NRG3: variants seen among roughly 807,000 people sequenced by gnomAD.
NRG3 encodes pro-neuregulin-3, membrane-bound isoform.
In NRG3, 31 loss-of-function variants were observed where a neutral mutation model predicts 66.9. The observed-to-expected ratio is 0.46, with a 90% CI of 0.35 to 0.63. The LOEUF (loss-of-function observed/expected upper bound fraction) is 0.63. Among genes scored for constraint, NRG3 ranks in the 20% least tolerant of loss-of-function variants. The pLI is 0.00. For synonymous variants in NRG3, 393 were observed against 359.4 expected (o/e 1.09, Z -1.06); for missense variants, 910 against 878.9 (o/e 1.04, Z -0.45).
At chr10:82,756,111 A>G (rs1210494629) in intron 3 of NRG3, among the ~76,000 whole-genome samples, 2 of 151,952 alleles carry the variant, frequency 1.3e-5, no homozygotes, top group African/African-American at 4.8e-5. Context: ...CAGATGGTGG[A>G]TCAGATCTCA....
chr10:82,463,981 C>T (rs1242471853), intron 2 of NRG3, among the ~76,000 whole-genome samples: 1 of 152,136 alleles, frequency 6.6e-6, no homozygotes. Context: ...AGTAATGATG[C>T]TCTTTTATGC....
At chr10:82,867,781 A>G (rs1220607187) in intron 4 of NRG3, among the ~76,000 whole-genome samples, 4 of 152,218 alleles carry the variant, frequency 2.6e-5, no homozygotes, top group African/African-American at 7.2e-5. Flanking sequence ...AGAGGAGTAG[A>G]TAGCTGAGTC....
At chr10:82,968,909 A>T (rs1206010031) in intron 6 of NRG3, among the ~76,000 whole-genome samples, 1 of 152,218 alleles carries the variant, frequency 6.6e-6, no homozygotes. Flanking sequence ...GGAAGGTGGA[A>T]AGCACGTCTT....
At chr10:82,197,612 T>C (rs1449552461) in intron 1 of NRG3, among the ~76,000 whole-genome samples, 4 of 152,156 alleles carry the variant, frequency 2.6e-5, no homozygotes, top group African/African-American at 4.8e-5. Flanking sequence ...GACCTGTCTT[T>C]GTTTTCCCTA....
intron 3 of NRG3, among the ~76,000 whole-genome samples, chr10:82,795,032 A>T (rs1032414224): frequency 1.3e-5 from 2 of 152,260 alleles, no homozygotes; most frequent in African/African-American, 4.8e-5. Context: ...AAGAGGGAAT[A>T]TATAAAACTC....
At chr10:82,332,110 T>C (rs1181970702) in intron 1 of NRG3, among the ~76,000 whole-genome samples, 1 of 152,226 alleles carries the variant, frequency 6.6e-6, no homozygotes, top group East Asian at 1.9e-4. Context: ...TAAAGATGCC[T>C]TGAGTACCAG....
At chr10:82,368,085 C>A (rs2084657205) in intron 2 of NRG3, among the ~76,000 whole-genome samples, 1 of 104,690 alleles carries the variant, frequency 9.6e-6, no homozygotes, top group Non-Finnish European at 1.7e-5. Context: ...GTGGGAAAAA[C>A]AATATTACTA....
At position 82,647,714 on chromosome 10, in the gene NRG3, G is replaced by A. The variant is rs1043134373; in HGVS notation, c.954-90863G>A. ...TTGCCATTCTAACTGGTGTGAGATG[G>A]TATCTCATTGTGGTTTTGATTTGCA... On this transcript the variant is annotated intron_variant, in intron 2 of 8. Transcript: ENST00000372141. Among the ~76,000 whole-genome samples, 3 of 151,994 alleles carry A rather than the reference G, an allele frequency of 2.0e-5. No homozygotes were observed. The South Asian group carries it at 6.3e-4, about 32-fold the overall frequency.
chr10:82,334,149 A>AG (rs2082273573), intron 1 of NRG3, among the ~76,000 whole-genome samples: 2 of 150,700 alleles, frequency 1.3e-5, no homozygotes, highest in Admixed American at 1.3e-4. Flanking sequence ...AAAAAAAAAA[A>AG]AAAAAAGAAA....
At chr10:82,802,521 A>T (rs771220562) in intron 3 of NRG3, among the ~76,000 whole-genome samples, 61 of 152,174 alleles carry the variant, frequency 4.0e-4, no homozygotes, top group Admixed American at 2.8e-3. Context: ...TCAGTTTATG[A>T]TATTTACTCA....
In NRG3 at chr10:82,361,547, G is replaced by A. The variant is rs185100768; in HGVS notation, c.953+2679G>A. 1.3e-4 allele frequency among the ~76,000 whole-genome samples: 20 copies of A among 152,240 alleles called. 1 individual carries two copies. In the East Asian group the frequency reaches 3.9e-3, roughly 29 times the overall value. ...GTACAGCACTCTATTTAAGTAGTAT[G>A]TTTCAGTCATACTCCTATTCAACAA... On this transcript the variant is annotated intron_variant, in intron 2 of 8. Coordinates refer to ENST00000372141, the MANE Select transcript of NRG3 (RefSeq NM_001010848.4).
intron 1 of NRG3, among the ~76,000 whole-genome samples, chr10:81,898,879 CAGGA>C (rs767884504): frequency 1.3e-5 from 2 of 152,110 alleles, no homozygotes; most frequent in Non-Finnish European, 2.9e-5. Context: ...TGTGGTTATA[CAGGA>C]AGATTTCAGA....
At chr10:82,130,085 G>T (rs914280201) in intron 1 of NRG3, among the ~76,000 whole-genome samples, 4 of 151,880 alleles carry the variant, frequency 2.6e-5, no homozygotes, top group Non-Finnish European at 5.9e-5. Flanking sequence ...TTCCACAGAT[G>T]AGTGAGAACA....
At chr10:81,917,625 AG>A (rs1175589805) in intron 1 of NRG3, among the ~76,000 whole-genome samples, 1 of 152,226 alleles carries the variant, frequency 6.6e-6, no homozygotes, top group Non-Finnish European at 1.5e-5. Flanking sequence ...CTATTGTAAG[AG>A]GAGGGCAGTT....
At chr10:82,782,346 C>A (rs2060151082) in intron 3 of NRG3, among the ~76,000 whole-genome samples, 1 of 152,160 alleles carries the variant, frequency 6.6e-6, no homozygotes, top group Admixed American at 6.5e-5. Context: ...CACCCTTCAA[C>A]CTTTTGCTGT....
intron 3 of NRG3, among the ~76,000 whole-genome samples, chr10:82,858,942 CTTTTT>C (rs534067829): frequency 0.15 from 18,822 of 123,958 alleles, 1,100 homozygotes; most frequent in African/African-American, 0.19. Flanking sequence ...AGTAGTCTAA[CTTTTT>C]TTTTTTTTTT....
At chr10:82,797,102 A>C (rs2060831400) in intron 3 of NRG3, among the ~76,000 whole-genome samples, 1 of 152,192 alleles carries the variant, frequency 6.6e-6, no homozygotes, top group South Asian at 2.1e-4. Context: ...ACCTTTTTAC[A>C]ATCAGTCTTC....
At chr10:82,796,224 A>T (rs1591549884) in intron 3 of NRG3, among the ~76,000 whole-genome samples, 1 of 152,272 alleles carries the variant, frequency 6.6e-6, no homozygotes, top group East Asian at 1.9e-4. Context: ...TGAAAACATT[A>T]TTCTATCATT....
intron 2 of NRG3, among the ~76,000 whole-genome samples, chr10:82,411,214 C>T (rs986416306): frequency 7.9e-5 from 12 of 151,942 alleles, no homozygotes; most frequent in African/African-American, 2.7e-4. Context: ...AGTGCTGGGC[C>T]GCTCCTGGCC....
Sources: gnomAD v4.1 joint callset for allele counts (sites outside exome capture counted in the v4.1 genomes callset) on GRCh38, gnomAD v4.1.1 for gene constraint, MANE v1.5 for transcripts, NCBI Gene and HGNC (gene_info 2026-07-23, HGNC 2026-07-21) for gene names.